Variants in CDH4 observed in about 807,000 individuals in gnomAD.
The protein encoded by CDH4 is cadherin-4.
In CDH4, 33 loss-of-function variants were observed where a neutral mutation model predicts 86.0. The observed-to-expected ratio is 0.38, with a 90% CI of 0.29 to 0.51. CDH4 has a LOEUF of 0.51. Ranked by LOEUF, CDH4 falls within the 20% of genes least tolerant of loss-of-function variation. CDH4 has a pLI of 0.86. For synonymous variants in CDH4, 555 were observed against 549.4 expected (o/e 1.01, Z -0.14); for missense variants, 1,114 against 1,307.4 (o/e 0.85, Z 2.28).
At chr20:61,668,097 T>A (rs1045391640) in intron 2 of CDH4, among the ~76,000 whole-genome samples, 1 of 152,216 alleles carries the variant, frequency 6.6e-6, no homozygotes, top group African/African-American at 2.4e-5. Context: ...GTCCCTGCTA[T>A]CTTTTAAATT....
intron 13 of CDH4, among the ~76,000 whole-genome samples, chr20:61,930,531 C>T (rs2055094277): frequency 6.6e-6 from 1 of 152,096 alleles, no homozygotes. Context: ...GTTGGGCTAC[C>T]ACCTCCCCAG....
chr20:61,476,731 G>A (rs552628505), intron 2 of CDH4, among the ~76,000 whole-genome samples: 100 of 152,356 alleles, frequency 6.6e-4, no homozygotes, highest in African/African-American at 2.4e-3. Flanking sequence ...CTTTATCGCT[G>A]TAAACTTTTC....
intron 3 of CDH4, among the ~76,000 whole-genome samples, chr20:61,762,587 T>C (rs186281398): frequency 3.3e-5 from 5 of 152,316 alleles, no homozygotes; most frequent in Admixed American, 3.3e-4. Context: ...CTGCACTCTG[T>C]CCAGCCTGGA....
chr20:61,295,418 G>T (rs1600842725), intron 2 of CDH4, among the ~76,000 whole-genome samples: 1 of 152,204 alleles, frequency 6.6e-6, no homozygotes. Flanking sequence ...AGGGGATTGC[G>T]ACATTTGTCC....
chr20:61,800,517 A>C (rs936566137), intron 4 of CDH4, among the ~76,000 whole-genome samples: 28 of 152,350 alleles, frequency 1.8e-4, no homozygotes, highest in African/African-American at 6.7e-4. Flanking sequence ...CGCCCCCCAC[A>C]GAAAGGAAAT....
chr20:61,933,766 C>T (rs1027286928), intron 14 of CDH4, among the ~76,000 whole-genome samples: 3 of 152,146 alleles, frequency 2.0e-5, no homozygotes, highest in Non-Finnish European at 4.4e-5. Flanking sequence ...ACTCGGGGCA[C>T]GTGGTTGGTG....
intron 2 of CDH4, among the ~76,000 whole-genome samples, chr20:61,526,029 G>A (rs749371843): frequency 3.9e-5 from 6 of 152,182 alleles, no homozygotes; most frequent in Non-Finnish European, 7.3e-5. Context: ...TCCAAGAAAC[G>A]AGTTATCTTG....
intron 4 of CDH4, among the ~76,000 whole-genome samples, 187 bp downstream of exon 4, chr20:61,773,369 C>T (rs1192170877): frequency 1.3e-5 from 2 of 152,214 alleles, no homozygotes; most frequent in African/African-American, 2.4e-5. Flanking sequence ...CTGCGTCCTC[C>T]GCGGTGGATG....
intron 4 of CDH4, among the ~76,000 whole-genome samples, chr20:61,843,456 C>CA (rs869283452): frequency 0.01 from 591 of 58,496 alleles, 17 homozygotes; most frequent in African/African-American, 0.03. Flanking sequence ...GACTCCGTCT[C>CA]AAAAAAAAAA....
chr20:61,326,311 G>A (rs1361637909), intron 2 of CDH4, among the ~76,000 whole-genome samples: 1 of 152,142 alleles, frequency 6.6e-6, no homozygotes. Flanking sequence ...GAAACCTGTT[G>A]GTTTGCTGAT....
At chr20:61,515,854 C>T (rs2085815149) in intron 2 of CDH4, among the ~76,000 whole-genome samples, 1 of 152,178 alleles carries the variant, frequency 6.6e-6, no homozygotes, top group Admixed American at 6.5e-5. Flanking sequence ...CTTGTTCTCT[C>T]GCTCTTTCTC....
At position 61,483,554 on chromosome 20, in the gene CDH4, A is replaced by G. The variant is rs530323686; in HGVS notation, c.169+228617A>G. Among the ~76,000 whole-genome samples, 7 of 152,278 alleles carry G rather than the reference A, an allele frequency of 4.6e-5. No individual in the cohort carries two copies. In the East Asian group the frequency reaches 1.2e-3, roughly 25 times the overall value. ...TTCTTTGGCTGACGAGATGTTAGCA[A>G]ACATACTGTGAGCTGAGGCCTGGAT... On this transcript the variant is annotated intron_variant, in intron 2 of 15. Transcript: ENST00000614565.
At chr20:61,287,068 G>A (rs74446579) in intron 2 of CDH4, among the ~76,000 whole-genome samples, 13,436 of 152,188 alleles carry the variant, frequency 0.088, 765 homozygotes, top group South Asian at 0.13. Context: ...GGTCCCCTCC[G>A]TGCCCTGCTC....
chr20:61,488,092 G>T (rs182807307), intron 2 of CDH4, among the ~76,000 whole-genome samples: 1 of 152,208 alleles, frequency 6.6e-6, no homozygotes, highest in Non-Finnish European at 1.5e-5. Flanking sequence ...TATTTGTCTT[G>T]TATGACGCCA....
At chr20:61,868,894 C>A (rs1262419438) in intron 6 of CDH4, among the ~76,000 whole-genome samples, 1 of 152,256 alleles carries the variant, frequency 6.6e-6, no homozygotes, top group East Asian at 1.9e-4. Flanking sequence ...CTGGCCCCCA[C>A]TGAGCCAAGC....
At position 61,401,434 on chromosome 20, in the gene CDH4, C is replaced by A. The variant is rs6121453; in HGVS notation, c.169+146497C>A. Among the ~76,000 whole-genome samples the A allele has an allele frequency of 2.0e-5, 3 of 151,748 alleles. No homozygotes were observed. In the South Asian group the frequency reaches 6.2e-4, roughly 31 times the overall value. ...TCAGAATCTCACGATTGCACCCCAC[C>A]CTACCATGGGGCTGTCATGAATGTT... On this transcript the variant is annotated intron_variant, in intron 2 of 15. Transcript: ENST00000614565.
At chr20:61,837,202 G>A (rs966801198) in intron 4 of CDH4, among the ~76,000 whole-genome samples, 6 of 152,108 alleles carry the variant, frequency 3.9e-5, no homozygotes, top group South Asian at 2.1e-4. Context: ...CAAAAAAAAC[G>A]GGGTTTCACT....
chr20:61,598,797 C>T (rs2086576181), intron 2 of CDH4, among the ~76,000 whole-genome samples: 2 of 152,200 alleles, frequency 1.3e-5, no homozygotes, highest in Admixed American at 1.3e-4. Flanking sequence ...CCCCACATGG[C>T]GGGGTCCTCC....
intron 2 of CDH4, among the ~76,000 whole-genome samples, chr20:61,683,156 C>T (rs1214049143): frequency 2.0e-5 from 3 of 152,086 alleles, no homozygotes; most frequent in African/African-American, 7.2e-5. Flanking sequence ...AGTTTATAGG[C>T]TGTGTGTGAA....
Sources: allele counts gnomAD v4.1 joint callset (sites outside exome capture counted in the v4.1 genomes callset), GRCh38; gene constraint gnomAD v4.1.1; transcripts MANE v1.5; gene names NCBI Gene and HGNC (gene_info 2026-07-23, HGNC 2026-07-21).